Variants in SMKR1 observed in about 807,000 individuals in gnomAD.
The protein encoded by SMKR1 is small lysine-rich protein 1.
SMKR1 carries 4 observed loss-of-function variants against 4.0 expected under a neutral mutation model. That is an observed-to-expected ratio of 1.00 (90% confidence interval 0.49 to 2.30). The LOEUF is 2.30. SMKR1 is among the 30% of genes most tolerant of loss of function. The pLI is 0.02. For synonymous variants in SMKR1, 38 were observed against 32.5 expected (o/e 1.17, Z -0.58); for missense variants, 56 against 81.8 (o/e 0.68, Z 1.22).
chr7:129,509,519 A>C (rs1584986354), intron 1 of SMKR1, among the ~76,000 whole-genome samples: 1 of 150,900 alleles, frequency 6.6e-6, no homozygotes. Context: ...AATGTACTCT[A>C]TTTCACCTAG....
intron 1 of SMKR1, among the ~76,000 whole-genome samples, chr7:129,506,686 G>GT (rs35399903): frequency 0.68 from 93,991 of 137,858 alleles, 31,853 homozygotes; most frequent in East Asian, 0.94. Flanking sequence ...CATACATTAT[G>GT]TTTTTTTTTT....
At chr7:129,504,471 G>A (rs1182642992) in intron 1 of SMKR1, among the ~76,000 whole-genome samples, 2 of 152,182 alleles carry the variant, frequency 1.3e-5, no homozygotes, top group Admixed American at 6.5e-5. Context: ...GCCCAGATGA[G>A]GTCAGCCCTT....
chr7:129,502,964 A>G lies in SMKR1; in HGVS notation c.3+137A>G, dbSNP rs188390305. 708 of 1,286,118 alleles carry G rather than the reference A, an allele frequency of 5.5e-4. 32 individuals are homozygous for G. The African/African-American group carries it at 9.9e-3, about 18-fold the overall frequency. The allele number at this position is 1,286,118 out of a possible 1,614,324, so 79.7% of individuals were successfully genotyped here. On this transcript the variant is annotated intron_variant, in intron 1 of 1. Transcript: ENST00000462322. ...CAACGCGTGGCGAAAAGATGGAGGG[A>G]CAAGGGGTGCCCGGCGGTCCGCGCC...
chr7:129,507,503 A>T (rs1476302150), intron 1 of SMKR1, among the ~76,000 whole-genome samples: 2 of 152,258 alleles, frequency 1.3e-5, no homozygotes, highest in Non-Finnish European at 2.9e-5. Flanking sequence ...TTCATGTAAA[A>T]GTCTTTGAAT....
chr7:129,503,887 G>A (rs929847281), intron 1 of SMKR1, among the ~76,000 whole-genome samples: 8 of 149,142 alleles, frequency 5.4e-5, no homozygotes, highest in African/African-American at 2.0e-4. Context: ...GAGTACAGTG[G>A]TGTGATCACA....
chr7:129,503,214 T>G (rs1799429077), intron 1 of SMKR1, among the ~76,000 whole-genome samples: 1 of 151,784 alleles, frequency 6.6e-6, no homozygotes, highest in Non-Finnish European at 1.5e-5. Flanking sequence ...TCCACTGCTC[T>G]GCAGACTCAG....
In SMKR1 at chr7:129,502,748, G is replaced by A. The variant is rs1480948141; in HGVS notation, c.-77G>A. On this transcript the variant is annotated 5_prime_UTR_variant, in exon 1 of 2. Transcript: ENST00000462322. Reference sequence around the variant, plus strand: ...GGTGCTAGGGGAACGGGCGCTGGGGGCAGCGGCCCCGGTGGATGCTAAGGG... The same window carrying A: ...GGTGCTAGGGGAACGGGCGCTGGGGACAGCGGCCCCGGTGGATGCTAAGGG... The A allele has an allele frequency of 3.3e-6, 5 of 1,531,918 alleles. 1 individual carries two copies. In the African/African-American group the frequency reaches 6.9e-5, roughly 21 times the overall value. 94.9% of individuals were successfully genotyped at this position (1,531,918 alleles called of 1,614,324 possible).
intron 1 of SMKR1, among the ~76,000 whole-genome samples, chr7:129,506,690 T>TG (rs1465566447): frequency 2.6e-5 from 4 of 151,454 alleles, no homozygotes; most frequent in South Asian, 2.1e-4. Flanking sequence ...CATTATGTTT[T>TG]TTTTTTTTTT....
chr7:129,507,454 T>A (rs965018119), intron 1 of SMKR1, among the ~76,000 whole-genome samples: 4 of 152,204 alleles, frequency 2.6e-5, no homozygotes, highest in African/African-American at 9.6e-5. Context: ...CCAGCCTGTT[T>A]CCAGTTTTTA....
chr7:129,506,406 T>C (rs1799465687), intron 1 of SMKR1, among the ~76,000 whole-genome samples: 7 of 152,168 alleles, frequency 4.6e-5, no homozygotes, highest in Admixed American at 4.6e-4. Context: ...CGTGCCACTG[T>C]ACTCCAGCCT....
In SMKR1 at chr7:129,502,591, C is replaced by T; in HGVS notation, c.-234C>T. ...AGGTGCCGCGTGGGGCAAGCAGGTG[C>T]CTCGCGTCCAGGCGGCTCCGCGGCT... On this transcript the variant is annotated 5_prime_UTR_variant, in exon 1 of 2. Coordinates refer to ENST00000462322, the MANE Select transcript of SMKR1 (RefSeq NM_001195243.2). 8.0e-6 allele frequency: 4 copies of T among 499,030 alleles called. No homozygotes were observed. Among genetic ancestry groups the T allele is most frequent in the Non-Finnish European group, 1.4e-5 (4 of 294,548 alleles). The allele number at this position is 499,030 out of a possible 1,614,324, so 30.9% of individuals were successfully genotyped here.
rs562620987 is a variant in SMKR1, at chr7:129,508,430, A to G, written c.4-3817A>G. ...GAAATAAGGTAGTATTAGTCTACCA[A>G]TTTTGTTCTTTTCTTTTTCTTTCTT... On this transcript the variant is annotated intron_variant, in intron 1 of 1. Transcript: ENST00000462322. Among the ~76,000 whole-genome samples, 6 of 152,130 alleles carry G rather than the reference A, an allele frequency of 3.9e-5. No individual in the cohort carries two copies. The South Asian group carries it at 1.0e-3, about 26-fold the overall frequency.
chr7:129,511,656 T>C (rs967627968), intron 1 of SMKR1, among the ~76,000 whole-genome samples: 4 of 152,180 alleles, frequency 2.6e-5, no homozygotes, highest in Non-Finnish European at 4.4e-5. Flanking sequence ...TTTGTCAAAT[T>C]AGATTGCGTG....
At chr7:129,504,994 G>C (rs1799450448) in intron 1 of SMKR1, among the ~76,000 whole-genome samples, 1 of 152,214 alleles carries the variant, frequency 6.6e-6, no homozygotes, top group Non-Finnish European at 1.5e-5. Flanking sequence ...GGACACAGTA[G>C]ATTTTTGTTA....
In SMKR1 at chr7:129,502,536, C is replaced by G. The variant is rs1799420365; in HGVS notation, c.-289C>G. The G allele has an allele frequency of 3.2e-6, 1 of 309,112 alleles. No homozygotes were observed. Among genetic ancestry groups the G allele is most frequent in the Non-Finnish European group, 5.9e-6 (1 of 170,708 alleles). 19.1% of individuals were successfully genotyped at this position (309,112 alleles called of 1,614,324 possible). ...CGCGGCCCCGCCCCCGAGGCGCACG[C>G]CGGCCCAGCGCCCACAGCTGCGGCG... On this transcript the variant is annotated 5_prime_UTR_variant, in exon 1 of 2. Coordinates refer to ENST00000462322, the MANE Select transcript of SMKR1 (RefSeq NM_001195243.2).
At chr7:129,510,865 G>T (rs1208899897) in intron 1 of SMKR1, among the ~76,000 whole-genome samples, 1 of 152,142 alleles carries the variant, frequency 6.6e-6, no homozygotes, top group African/African-American at 2.4e-5. Flanking sequence ...CTGGAATGCA[G>T]TGGCGTGATC....
chr7:129,512,158 T>C (rs1799533170), intron 1 of SMKR1, 89 bp from the exon 2 acceptor site: 1 of 1,266,110 alleles, frequency 7.9e-7, no homozygotes, highest in South Asian at 1.6e-5. Context: ...CACTCCAGCC[T>C]GGGTGTTGGG....
chr7:129,511,373 G>A (rs535048474), intron 1 of SMKR1, among the ~76,000 whole-genome samples: 64 of 152,318 alleles, frequency 4.2e-4, no homozygotes, highest in African/African-American at 1.4e-3. Flanking sequence ...GTCGGGGGCA[G>A]CGGGGGAGCT....
rs373932000 is a variant in SMKR1, at chr7:129,502,883, G to A, written c.3+56G>A. On this transcript the variant is annotated intron_variant, in intron 1 of 1. Coordinates refer to ENST00000462322, the MANE Select transcript of SMKR1 (RefSeq NM_001195243.2). The stretch of plus-strand genomic sequence containing the variant: ...CCAGGGCGCGCGCCGTGGAGCCCCA[G>A]GCTGTCCCGGAGAGGCGCGGGCGCC... The A allele has an allele frequency of 3.6e-3, 5,490 of 1,533,406 alleles. 93 individuals carry two copies. In the South Asian group the frequency reaches 0.038, roughly 11 times the overall value. The allele number at this position is 1,533,406 out of a possible 1,614,324, so 95.0% of individuals were successfully genotyped here.
Sources: allele counts gnomAD v4.1 joint callset (sites outside exome capture counted in the v4.1 genomes callset), GRCh38; gene constraint gnomAD v4.1.1; transcripts MANE v1.5; gene names NCBI Gene and HGNC (gene_info 2026-07-23, HGNC 2026-07-21).